The following RSPRY1 variants were observed in gnomAD, a reference collection of about 807,000 sequenced individuals.
RSPRY1 encodes the protein ring finger and SPRY domain containing 1.
Under a neutral mutation model 73.1 loss-of-function variants are expected in RSPRY1, and 23 were observed. That is an observed-to-expected ratio of 0.31 (90% confidence interval 0.23 to 0.45). The LOEUF is 0.45. RSPRY1 is among the 20% of genes least tolerant of loss of function. The pLI, the probability that RSPRY1 is intolerant of heterozygous loss-of-function variation, is 1.00. For synonymous variants in RSPRY1, 226 were observed against 251.4 expected (o/e 0.90, Z 0.95); for missense variants, 448 against 698.7 (o/e 0.64, Z 4.05).
intron 11 of RSPRY1, among the ~76,000 whole-genome samples, chr16:57,228,152 G>A (rs1433251020): frequency 3.3e-5 from 5 of 151,664 alleles, no homozygotes; most frequent in East Asian, 1.9e-4. Context: ...ACCCACCTGC[G>A]GTCCCGGCTA....
At chr16:57,198,982 T>G (rs1286027996) in intron 1 of RSPRY1, among the ~76,000 whole-genome samples, 3 of 152,224 alleles carry the variant, frequency 2.0e-5, no homozygotes, top group Non-Finnish European at 2.9e-5. Flanking sequence ...CCCATGTCTC[T>G]AATCCTGGAC....
At chr16:57,229,480 G>C (rs1366741269) in intron 11 of RSPRY1, among the ~76,000 whole-genome samples, 1 of 151,762 alleles carries the variant, frequency 6.6e-6, no homozygotes, top group Admixed American at 6.6e-5. Flanking sequence ...TTTGCCAGGG[G>C]TGGTGGCACG....
At chr16:57,230,404 T>C (rs2075197260) in intron 11 of RSPRY1, among the ~76,000 whole-genome samples, 1 of 152,248 alleles carries the variant, frequency 6.6e-6, no homozygotes, top group African/African-American at 2.4e-5. Flanking sequence ...ACATGATTTT[T>C]TGATCTTACC....
At chr16:57,223,268 C>A (rs1195201329) in intron 10 of RSPRY1, among the ~76,000 whole-genome samples, 1 of 152,168 alleles carries the variant, frequency 6.6e-6, no homozygotes, top group Non-Finnish European at 1.5e-5. Flanking sequence ...TCAAAAGATT[C>A]TAAGTCTCTG....
chr16:57,222,664 A>T (rs1285534960), intron 10 of RSPRY1, among the ~76,000 whole-genome samples: 1 of 152,220 alleles, frequency 6.6e-6, no homozygotes, highest in Non-Finnish European at 1.5e-5. Flanking sequence ...ACCAGAATTC[A>T]GTGGCCTTCC....
chr16:57,218,637 T>TC (rs1294554925), intron 8 of RSPRY1, among the ~76,000 whole-genome samples: 3 of 151,554 alleles, frequency 2.0e-5, no homozygotes, highest in African/African-American at 7.3e-5. Context: ...ATCCTACAGT[T>TC]CCATCCATGT....
At chr16:57,207,851 T>A (rs1215699677) in intron 2 of RSPRY1, among the ~76,000 whole-genome samples, 1 of 152,136 alleles carries the variant, frequency 6.6e-6, no homozygotes, top group African/African-American at 2.4e-5. Flanking sequence ...TGTCTGTGGG[T>A]CATTGTGGAC....
chr16:57,204,635 C>T lies in RSPRY1; in HGVS notation c.-24C>T, dbSNP rs758162228. On this transcript the variant is annotated 5_prime_UTR_variant, in exon 2 of 15. Transcript: ENST00000394420. ...TCAACTCCAGGTTATGAAAACAGTA[C>T]TTGGAAAACTGAAAACTACCTAAAT... is the stretch of plus-strand genomic sequence containing the variant. The T allele has an allele frequency of 8.7e-6, 14 of 1,604,848 alleles. No individual in the cohort carries two copies. The highest frequency in any genetic ancestry group is 1.1e-5 in the Non-Finnish European group (13 of 1,173,564).
intron 10 of RSPRY1, among the ~76,000 whole-genome samples, chr16:57,222,294 G>A (rs1438138456): frequency 6.6e-6 from 1 of 152,202 alleles, no homozygotes; most frequent in Non-Finnish European, 1.5e-5. Context: ...AGGTCTCACT[G>A]TGTTGCTCAG....
intron 4 of RSPRY1, 132 bp downstream of exon 4, chr16:57,209,319 G>GT: frequency 1.7e-6 from 1 of 588,602 alleles, no homozygotes; most frequent in Non-Finnish European, 3.0e-6. Context: ...TATTGATTTT[G>GT]TTATGTAAAT....
At chr16:57,225,053 G>A (rs1456664225) in intron 10 of RSPRY1, among the ~76,000 whole-genome samples, 1 of 152,050 alleles carries the variant, frequency 6.6e-6, no homozygotes, top group East Asian at 1.9e-4. Context: ...AGCAAGTAGT[G>A]AATTTCTTTT....
intron 1 of RSPRY1, among the ~76,000 whole-genome samples, chr16:57,191,725 A>G (rs2074355513): frequency 6.6e-6 from 1 of 152,180 alleles, no homozygotes; most frequent in African/African-American, 2.4e-5. Flanking sequence ...ATAATGTAAG[A>G]CATAAATGTG....
Position 57,213,791 on chromosome 16 carries a change from T to A in RSPRY1, c.644-97T>A, listed in dbSNP as rs551619118. The A allele has an allele frequency of 3.8e-4, 338 of 890,132 alleles. No individual in the cohort carries two copies. The African/African-American group carries it at 5.0e-3, about 13-fold the overall frequency. The allele number at this position is 890,132 out of a possible 1,614,324, so 55.1% of individuals were successfully genotyped here. A position where few individuals can be genotyped will look rare whatever the true frequency, so the allele number is the denominator to read the frequency against. On this transcript the variant is annotated intron_variant, in intron 5 of 14. Coordinates refer to ENST00000394420, the MANE Select transcript of RSPRY1 (RefSeq NM_133368.3). ...AGCAGGAGGCTTTAATAAGATAATG[T>A]GCATGAAAGAGTTCTACCAAAACAA... is the stretch of plus-strand genomic sequence containing the variant.
intron 4 of RSPRY1, among the ~76,000 whole-genome samples, chr16:57,211,363 A>T (rs1456176994): frequency 1.3e-5 from 2 of 152,134 alleles, no homozygotes; most frequent in Non-Finnish European, 2.9e-5. Flanking sequence ...TGAGGTCAGG[A>T]GTTCAAGACC....
At chr16:57,229,726 G>A (rs1330250135) in intron 11 of RSPRY1, among the ~76,000 whole-genome samples, 4 of 62,288 alleles carry the variant, frequency 6.4e-5, no homozygotes, top group Non-Finnish European at 1.1e-4. Flanking sequence ...TTTTTTTTGA[G>A]ATGCAGTCTC....
At chr16:57,231,679 T>C (rs2075222864) in intron 13 of RSPRY1, among the ~76,000 whole-genome samples, 1 of 152,210 alleles carries the variant, frequency 6.6e-6, no homozygotes, top group African/African-American at 2.4e-5. Flanking sequence ...CAGAAAAATA[T>C]GACACATGCA....
intron 14 of RSPRY1, among the ~76,000 whole-genome samples, chr16:57,238,552 A>C (rs922226913): frequency 1.3e-5 from 2 of 152,246 alleles, no homozygotes; most frequent in African/African-American, 4.8e-5. Context: ...ACTGTTTGGT[A>C]AATGATTCTG....
chr16:57,236,502 A>C (rs1397695772), intron 14 of RSPRY1, among the ~76,000 whole-genome samples: 1 of 152,184 alleles, frequency 6.6e-6, no homozygotes, highest in Non-Finnish European at 1.5e-5. Context: ...AATGAATTAC[A>C]AGAGTCAATC....
intron 1 of RSPRY1, among the ~76,000 whole-genome samples, chr16:57,201,478 G>T (rs1260168532): frequency 1.6e-4 from 23 of 148,078 alleles, no homozygotes; most frequent in Admixed American, 2.7e-4. Context: ...TCCAGACTGG[G>T]CAGCCAGGCA....
Sources: gnomAD v4.1 joint callset for allele counts (sites outside exome capture counted in the v4.1 genomes callset) on GRCh38, gnomAD v4.1.1 for gene constraint, MANE v1.5 for transcripts, NCBI Gene and HGNC (gene_info 2026-07-23, HGNC 2026-07-21) for gene names.